The following MTDH variants were observed in gnomAD, a reference collection of about 807,000 sequenced individuals.
The protein encoded by MTDH is metadherin, also known as protein LYRIC.
A neutral mutation model predicts 72.7 loss-of-function variants in MTDH; 34 were observed. The ratio of observed to expected loss-of-function variants is 0.47; its 90% CI spans 0.36 to 0.62. MTDH has a LOEUF of 0.62. MTDH is among the 20% of genes least tolerant of loss of function. The probability of loss-of-function intolerance (pLI) is 0.00; values close to 1 mark genes in which losing one functional copy is unlikely to be tolerated. For missense variants in MTDH, 677 were observed against 699.4 expected (o/e 0.97, Z 0.36); for synonymous variants, 266 against 268.9 (o/e 0.99, Z 0.10).
At chr8:97,685,637 G>A (rs1357436778) in intron 2 of MTDH, among the ~76,000 whole-genome samples, 3 of 151,978 alleles carry the variant, frequency 2.0e-5, no homozygotes, top group Admixed American at 6.6e-5. Flanking sequence ...GCAGGTGCCT[G>A]TAATCCCATC....
At chr8:97,664,679 G>A (rs1288052143) in intron 2 of MTDH, among the ~76,000 whole-genome samples, 1 of 152,072 alleles carries the variant, frequency 6.6e-6, no homozygotes, top group Non-Finnish European at 1.5e-5. Context: ...GTTTTAAATA[G>A]TTGGTGTTTT....
chr8:97,699,279 C>G lies in MTDH; in HGVS notation c.1049-475C>G, dbSNP rs565770078. On this transcript the variant is annotated intron_variant, in intron 6 of 11. Coordinates refer to ENST00000336273, the MANE Select transcript of MTDH (RefSeq NM_178812.4). ...CTCCGGCCTGGGCAACAAAGTGAGA[C>G]TCTGTCTCGAAAAAAGAAAAAAAGC... Among the ~76,000 whole-genome samples, 352 of 150,132 alleles carry G rather than the reference C, an allele frequency of 2.3e-3. 4 individuals carry two copies. Among genetic ancestry groups the G allele is most frequent in the Non-Finnish European group, 3.8e-4 (26 of 67,948 alleles).
chr8:97,721,171 G>A (rs1815106660), intron 10 of MTDH, among the ~76,000 whole-genome samples: 1 of 152,126 alleles, frequency 6.6e-6, no homozygotes, highest in African/African-American at 2.4e-5. Flanking sequence ...GCCAGCCATG[G>A]TGGCTCACGC....
intron 7 of MTDH, among the ~76,000 whole-genome samples, chr8:97,700,724 A>C (rs1232342382): frequency 6.6e-6 from 1 of 152,228 alleles, no homozygotes; most frequent in Non-Finnish European, 1.5e-5. Context: ...TTTCCAGATG[A>C]AAAAGTTGTG....
At chr8:97,718,128 C>T (rs994329642) in intron 9 of MTDH, among the ~76,000 whole-genome samples, 11 of 151,664 alleles carry the variant, frequency 7.3e-5, no homozygotes, top group East Asian at 3.9e-4. Flanking sequence ...CTGCAACCTC[C>T]GCCTTCCAGG....
chr8:97,721,688 A>G (rs1815133660), intron 10 of MTDH, among the ~76,000 whole-genome samples: 2 of 152,166 alleles, frequency 1.3e-5, no homozygotes, highest in Non-Finnish European at 2.9e-5. Context: ...AGGCACTCCA[A>G]ATTACTGACG....
chr8:97,676,178 G>A (rs1031519229), intron 2 of MTDH, among the ~76,000 whole-genome samples: 12 of 152,126 alleles, frequency 7.9e-5, no homozygotes, highest in Non-Finnish European at 1.6e-4. Flanking sequence ...GGATGCATGT[G>A]TTCCTCCCAC....
intron 1 of MTDH, among the ~76,000 whole-genome samples, chr8:97,654,407 CA>C (rs1258379528): frequency 2.6e-5 from 4 of 152,034 alleles, no homozygotes; most frequent in Non-Finnish European, 5.9e-5. Flanking sequence ...ACAAACTTAC[CA>C]AAACTAGGTC....
chr8:97,711,140 C>G (rs1021008536), intron 8 of MTDH, among the ~76,000 whole-genome samples: 1 of 152,058 alleles, frequency 6.6e-6, no homozygotes, highest in Non-Finnish European at 1.5e-5. Flanking sequence ...CATGACCTCT[C>G]AAATTCAGTT....
chr8:97,706,150 A>G (rs1289924683), intron 7 of MTDH, among the ~76,000 whole-genome samples: 1 of 152,200 alleles, frequency 6.6e-6, no homozygotes, highest in Non-Finnish European at 1.5e-5. Context: ...AATTTGAAGA[A>G]ACTAATTTTG....
intron 8 of MTDH, among the ~76,000 whole-genome samples, chr8:97,712,594 G>C (rs1814682358): frequency 6.6e-6 from 1 of 152,116 alleles, no homozygotes; most frequent in Admixed American, 6.5e-5. Context: ...ATTTCTCTAG[G>C]ATAAATGCCC....
intron 7 of MTDH, among the ~76,000 whole-genome samples, chr8:97,700,744 A>G (rs1363072602): frequency 6.6e-6 from 1 of 152,226 alleles, no homozygotes; most frequent in African/African-American, 2.4e-5. Context: ...GACAAGGGAA[A>G]GTTATCTAGC....
rs1281859407 is a variant in MTDH at position 97,644,703 on chromosome 8, T to C, written c.197T>C (p.Leu66Pro). 6 of 1,601,904 alleles carry C rather than the reference T, an allele frequency of 3.7e-6. No individual in the cohort carries two copies. Among genetic ancestry groups the C allele is most frequent in the Non-Finnish European group, 5.1e-6 (6 of 1,176,314 alleles). ...TGALGLLLLFLLGYGWAAACA... is the reference protein window; with the variant it reads ...TGALGLLLLFPLGYGWAAACA... ...GCGCTCGGGCTGCTGCTGCTGTTTC[T>C]GCTGGGCTACGGCTGGGCCGCGGCT... Residue 66 changes from leucine to proline, a missense_variant, in exon 1 of 12, where the codon CTG becomes CCG. By Grantham distance (98) the Leu-to-Pro change is moderately conservative (BLOSUM62 -3). Around this residue, in one of 3 missense-constraint regions of MTDH, gnomAD observed 467 missense variants for 469.1 expected, o/e 1.00. Coordinates refer to ENST00000336273, the MANE Select transcript of MTDH (RefSeq NM_178812.4).
At chr8:97,724,529 T>C in intron 11 of MTDH, 71 bp from the exon 12 acceptor site, 1 of 1,033,110 alleles carries the variant, frequency 9.7e-7, no homozygotes, top group Non-Finnish European at 1.4e-6. Flanking sequence ...ACTACTTTTA[T>C]ATTATTGAGA....
intron 2 of MTDH, among the ~76,000 whole-genome samples, chr8:97,670,043 C>T (rs763474671): frequency 6.6e-6 from 1 of 151,546 alleles, no homozygotes; most frequent in Non-Finnish European, 1.5e-5. Flanking sequence ...GCCTGGGCGC[C>T]GTGGCTCACG....
At chr8:97,676,986 C>CA (rs1218624243) in intron 2 of MTDH, among the ~76,000 whole-genome samples, 20 of 104,004 alleles carry the variant, frequency 1.9e-4, no homozygotes, top group Non-Finnish European at 2.6e-4. Context: ...GCCTGGGCGA[C>CA]AGAGTGAGAC....
chr8:97,677,004 C>CAAAAAAAAAAAAA (rs57430782), intron 2 of MTDH, among the ~76,000 whole-genome samples: 4 of 23,314 alleles, frequency 1.7e-4, no homozygotes, highest in African/African-American at 3.6e-4. Context: ...GACTCTATCT[C>CAAAAAAAAAAAAA]AAAAAAAAAA....
At chr8:97,647,179 T>TC (rs1182101757) in intron 1 of MTDH, among the ~76,000 whole-genome samples, 1 of 152,202 alleles carries the variant, frequency 6.6e-6, no homozygotes, top group African/African-American at 2.4e-5. Flanking sequence ...TGGGCATATC[T>TC]CTCTGTGACA....
Position 97,729,031 on chromosome 8 carries a change from A to G in MTDH, c.*4361A>G, listed in dbSNP as rs1249964198. Among the ~76,000 whole-genome samples, 1 of 149,490 alleles carries G rather than the reference A, an allele frequency of 6.7e-6. No individual in the cohort carries two copies. The highest frequency in any genetic ancestry group is 2.5e-5 in the African/African-American group (1 of 40,432). ...GGCTCGAGCTATATTCTCCCACTTTAGCCTCAGCCTCCAGAGTACCTGGGA... is the reference window on the plus strand; with the variant it reads ...GGCTCGAGCTATATTCTCCCACTTTGGCCTCAGCCTCCAGAGTACCTGGGA... On this transcript the variant is annotated 3_prime_UTR_variant, in exon 12 of 12. Coordinates refer to ENST00000336273, the MANE Select transcript of MTDH (RefSeq NM_178812.4).
Sources: allele counts gnomAD v4.1 joint callset (sites outside exome capture counted in the v4.1 genomes callset), GRCh38; gene constraint gnomAD v4.1.1; regional missense constraint gnomAD v4.1.1; transcripts MANE v1.5; gene names NCBI Gene and HGNC (gene_info 2026-07-23, HGNC 2026-07-21).